The following ERGIC1 variants were observed in gnomAD, a reference collection of about 807,000 sequenced individuals.
ERGIC1 encodes the protein endoplasmic reticulum-golgi intermediate compartment 1.
In ERGIC1, 19 loss-of-function variants were observed where a neutral mutation model predicts 38.3. The observed-to-expected ratio is 0.50, with a 90% CI of 0.35 to 0.73. The LOEUF (loss-of-function observed/expected upper bound fraction) is 0.73. Among genes scored for constraint, ERGIC1 ranks in the 30% least tolerant of loss-of-function variants. ERGIC1 has a pLI of 0.01. For synonymous variants in ERGIC1, 124 were observed against 157.6 expected (o/e 0.79, Z 1.60); for missense variants, 294 against 389.2 (o/e 0.76, Z 2.06).
At chr5:172,858,415 TTCCGGG>T (rs1761611067) in intron 1 of ERGIC1, among the ~76,000 whole-genome samples, 1 of 152,148 alleles carries the variant, frequency 6.6e-6, no homozygotes, top group Admixed American at 6.5e-5. Flanking sequence ...AGCGGACCCA[TTCCGGG>T]TCTCGGGCAG....
chr5:172,939,712 C>T (rs1185938741), intron 9 of ERGIC1, among the ~76,000 whole-genome samples: 2 of 152,250 alleles, frequency 1.3e-5, no homozygotes, highest in Non-Finnish European at 2.9e-5. Context: ...CTTCTGAAGG[C>T]CCTGTGCCAC....
intron 3 of ERGIC1, chr5:172,898,032 C>T (rs1762767883): frequency 4.9e-6 from 2 of 405,866 alleles, no homozygotes; most frequent in South Asian, 2.8e-4. Context: ...GACCCAGGAG[C>T]TTCCTGCCTT....
Position 172,935,273 on chromosome 5 carries a change from CAGAG to C in ERGIC1, c.732_735del (p.Glu244AspfsTer92). The C allele has an allele frequency of 6.2e-7, 1 of 1,614,186 alleles. No homozygotes were observed. Among genetic ancestry groups the C allele is most frequent in the Non-Finnish European group, 8.5e-7 (1 of 1,180,050 alleles). ...CTCAGCCCCATCACGGTCAAGTACA[CAGAG>C]AGACGGCAGCCGCTGTACAGATTCA... On this transcript the variant is annotated frameshift_variant, in exon 9 of 10. Transcript: ENST00000393784. LOFTEE classifies it high-confidence loss of function.
At chr5:172,855,305 G>T (rs945659264) in intron 1 of ERGIC1, among the ~76,000 whole-genome samples, 4 of 152,168 alleles carry the variant, frequency 2.6e-5, no homozygotes, top group African/African-American at 9.7e-5. Context: ...TGGCCCTGAG[G>T]TGCTCCACGC....
intron 5 of ERGIC1, among the ~76,000 whole-genome samples, chr5:172,919,389 G>A (rs186562580): frequency 6.6e-6 from 1 of 152,306 alleles, no homozygotes; most frequent in East Asian, 1.9e-4. Flanking sequence ...GACCAAGAAG[G>A]GATCGTGCTT....
chr5:172,912,767 C>G (rs1325314642), intron 4 of ERGIC1, among the ~76,000 whole-genome samples: 1 of 141,646 alleles, frequency 7.1e-6, no homozygotes, highest in African/African-American at 2.4e-5. Context: ...TCTTTTCTTT[C>G]TTTCTTTCTT....
chr5:172,869,588 C>T (rs1761953708), intron 1 of ERGIC1, among the ~76,000 whole-genome samples: 1 of 152,180 alleles, frequency 6.6e-6, no homozygotes, highest in Non-Finnish European at 1.5e-5. Flanking sequence ...ACTCTCCTTG[C>T]TATTTAGAAA....
chr5:172,887,260 A>T (rs1762447512), intron 1 of ERGIC1, among the ~76,000 whole-genome samples: 1 of 152,164 alleles, frequency 6.6e-6, no homozygotes, highest in Non-Finnish European at 1.5e-5. Flanking sequence ...CCTCTCCAGC[A>T]AGTCAAGTTC....
chr5:172,842,068 C>T (rs1020323311), intron 1 of ERGIC1, among the ~76,000 whole-genome samples: 1 of 152,066 alleles, frequency 6.6e-6, no homozygotes, highest in African/African-American at 2.4e-5. Flanking sequence ...TTTTTTGAGA[C>T]GGAGATTCCT....
chr5:172,868,260 C>T (rs1761920715), intron 1 of ERGIC1, among the ~76,000 whole-genome samples: 1 of 152,106 alleles, frequency 6.6e-6, no homozygotes, highest in African/African-American at 2.4e-5. Context: ...AAAATCTGTC[C>T]AAAGTCATGC....
chr5:172,869,549 C>T lies in ERGIC1; in HGVS notation c.21-19150C>T, dbSNP rs146171200. 3.9e-5 allele frequency among the ~76,000 whole-genome samples: 6 copies of T among 152,342 alleles called. No individual in the cohort carries two copies. The East Asian group carries it at 7.7e-4, about 20-fold the overall frequency. On this transcript the variant is annotated intron_variant, in intron 1 of 9. Coordinates refer to ENST00000393784, the MANE Select transcript of ERGIC1 (RefSeq NM_001031711.3). Reference sequence around the variant, plus strand: ...GGGATATTTCGTGTGCCAGAGGTAGCAGCCTCAGATGGCTTTGTCAGGGTT... The same window carrying T: ...GGGATATTTCGTGTGCCAGAGGTAGTAGCCTCAGATGGCTTTGTCAGGGTT...
intron 4 of ERGIC1, among the ~76,000 whole-genome samples, chr5:172,913,273 T>C (rs477357): frequency 0.75 from 113,703 of 152,208 alleles, 42,935 homozygotes; most frequent in African/African-American, 0.8. Context: ...GCTCCAGTGA[T>C]AAGCAGTTGA....
At chr5:172,901,647 G>A (rs1223231730) in intron 3 of ERGIC1, among the ~76,000 whole-genome samples, 6 of 151,714 alleles carry the variant, frequency 4.0e-5, no homozygotes, top group East Asian at 1.9e-4. Flanking sequence ...TCTGTTGCCC[G>A]GGCTGGAGGG....
At chr5:172,947,910 GTGGTTA>G (rs1561747747) in intron 9 of ERGIC1, among the ~76,000 whole-genome samples, 1 of 150,680 alleles carries the variant, frequency 6.6e-6, no homozygotes, top group African/African-American at 2.5e-5. Context: ...GTGTGTGTGT[GTGGTTA>G]TTTTTTATTT....
At position 172,834,435 on chromosome 5, in the gene ERGIC1, T is replaced by C. The variant is rs1296245707; in HGVS notation, c.20+2T>C. On this transcript the variant is annotated splice_donor_variant, in intron 1 of 9. Coordinates refer to ENST00000393784, the MANE Select transcript of ERGIC1 (RefSeq NM_001031711.3). LOFTEE classifies it high-confidence loss of function. The surrounding 1 kb of genome is among the most constrained non-coding windows in gnomAD (Gnocchi z 4.1). ...CACGATGCCCTTTGACTTCAGGAGG[T>C]GAGTGTGGCGACCCCGGCCAGTCGG... is the stretch of plus-strand genomic sequence containing the variant. 7.5e-7 allele frequency: 1 copy of C among 1,331,058 alleles called. No homozygotes were observed. The highest frequency in any genetic ancestry group is 2.0e-5 in the South Asian group (1 of 50,874). 82.5% of individuals were successfully genotyped at this position (1,331,058 alleles called of 1,614,324 possible).
chr5:172,865,416 C>G (rs1159231909), intron 1 of ERGIC1, among the ~76,000 whole-genome samples: 4 of 152,140 alleles, frequency 2.6e-5, no homozygotes, highest in Non-Finnish European at 5.9e-5. Flanking sequence ...CAAAGGGTTC[C>G]CAAATGTGGC....
At chr5:172,944,843 T>C (rs771242361) in intron 9 of ERGIC1, among the ~76,000 whole-genome samples, 13 of 152,202 alleles carry the variant, frequency 8.5e-5, no homozygotes, top group Non-Finnish European at 1.5e-4. Context: ...ACCTGCTGCC[T>C]GCCCCATCCA....
chr5:172,889,904 T>C (rs1644499461), intron 2 of ERGIC1, among the ~76,000 whole-genome samples: 1 of 152,182 alleles, frequency 6.6e-6, no homozygotes, highest in Non-Finnish European at 1.5e-5. Context: ...GTTTCAAATT[T>C]TGGAGCACTT....
At position 172,913,694 on chromosome 5, in the gene ERGIC1, C is replaced by T. The variant is rs567826671; in HGVS notation, c.251-1020C>T. Among the ~76,000 whole-genome samples the T allele has an allele frequency of 4.5e-4, 68 of 152,294 alleles. 1 individual carries two copies. Among genetic ancestry groups the T allele is most frequent in the Admixed American group, 4.4e-3 (68 of 15,292 alleles). On this transcript the variant is annotated intron_variant, in intron 4 of 9. Transcript: ENST00000393784. Reference sequence around the variant, plus strand: ...CCATAGTTCACAGGGATCATCTCACCACTGGCTACTTGGACCATCTCTGGG... The same window carrying T: ...CCATAGTTCACAGGGATCATCTCACTACTGGCTACTTGGACCATCTCTGGG...
Sources: allele counts gnomAD v4.1 joint callset (sites outside exome capture counted in the v4.1 genomes callset), GRCh38; gene constraint gnomAD v4.1.1; non-coding constraint Gnocchi (gnomAD v3.1); transcripts MANE v1.5; gene names NCBI Gene and HGNC (gene_info 2026-07-23, HGNC 2026-07-21).